CPAP: variants seen among roughly 807,000 people sequenced by gnomAD.
CPAP encodes the protein centrosomal P4.1-associated protein.
the CPAP span, among the ~76,000 whole-genome samples, chr13:24,888,341 C>T: frequency 5.9e-5 from 9 of 151,872 alleles, no homozygotes; most frequent in South Asian, 2.1e-4. Context: ...GATTACTATG[C>T]GGAATATTTT....
the CPAP span, chr13:24,884,403 C>G: frequency 3.7e-6 from 6 of 1,613,946 alleles, no homozygotes; most frequent in Non-Finnish European, 5.1e-6. Flanking sequence ...GCACTCACTT[C>G]CTTTCGAGTT....
At chr13:24,901,294 A>T in the CPAP span, among the ~76,000 whole-genome samples, 23 of 152,252 alleles carry the variant, frequency 1.5e-4, no homozygotes, top group Non-Finnish European at 1.0e-4. Context: ...GTTACAAAAT[A>T]AACACAAATG....
chr13:24,910,106 A>T, the CPAP span: 16 of 1,608,196 alleles, frequency 9.9e-6, no homozygotes, highest in Non-Finnish European at 1.3e-5. Context: ...AAGAAATGCA[A>T]CAAAGCTGAT....
the CPAP span, among the ~76,000 whole-genome samples, chr13:24,900,753 G>T: frequency 6.6e-6 from 1 of 152,192 alleles, no homozygotes; most frequent in Non-Finnish European, 1.5e-5. Flanking sequence ...GCTAGGAAGT[G>T]AATTTAATAA....
At chr13:24,923,286 T>TTTTGG in the CPAP span, among the ~76,000 whole-genome samples, 1 of 152,030 alleles carries the variant, frequency 6.6e-6, no homozygotes, top group Non-Finnish European at 1.5e-5. Flanking sequence ...TTTGTCGTTT[T>TTTTGG]TTTGGTTTGG....
At chr13:24,925,775 C>G in the CPAP span, 1 of 152,584 alleles carries the variant, frequency 6.6e-6, no homozygotes, top group Non-Finnish European at 1.5e-5. Context: ...GTTTTCTGAC[C>G]CTGAGGCAGA....
chr13:24,899,530 T>A, the CPAP span: 2 of 1,614,004 alleles, frequency 1.2e-6, no homozygotes, highest in African/African-American at 2.7e-5. Context: ...TTTTAAACTC[T>A]TCTATTCGAG....
At chr13:24,924,089 T>G in the CPAP span, among the ~76,000 whole-genome samples, 1 of 152,176 alleles carries the variant, frequency 6.6e-6, no homozygotes, top group East Asian at 1.9e-4. Context: ...CGCCTCGGCC[T>G]CCCAAAGTGC....
At chr13:24,912,232 A>G in the CPAP span, among the ~76,000 whole-genome samples, 1 of 152,212 alleles carries the variant, frequency 6.6e-6, no homozygotes, top group Admixed American at 6.5e-5. Context: ...TCTAAAACTC[A>G]TATCCTTACG....
the CPAP span, among the ~76,000 whole-genome samples, chr13:24,926,755 G>C: frequency 3.3e-5 from 5 of 152,082 alleles, no homozygotes; most frequent in Non-Finnish European, 7.4e-5. Flanking sequence ...CTCTTGGCCT[G>C]CCCTGTGATG....
At chr13:24,890,852 C>T in the CPAP span, among the ~76,000 whole-genome samples, 1 of 152,124 alleles carries the variant, frequency 6.6e-6, no homozygotes, top group Non-Finnish European at 1.5e-5. Context: ...GACCCAGCTC[C>T]TCTCACTTCA....
At chr13:24,888,306 T>C in the CPAP span, among the ~76,000 whole-genome samples, 2 of 151,850 alleles carry the variant, frequency 1.3e-5, no homozygotes, top group South Asian at 4.2e-4. Flanking sequence ...GGAGAAAATA[T>C]TAGCAGTGCT....
At chr13:24,891,721 G>A in the CPAP span, among the ~76,000 whole-genome samples, 4 of 151,990 alleles carry the variant, frequency 2.6e-5, no homozygotes, top group South Asian at 2.1e-4. Context: ...TAAGAGGCCC[G>A]GCCACCCTTC....
At chr13:24,906,396 CTT>C in the CPAP span, 1 of 1,612,884 alleles carries the variant, frequency 6.2e-7, no homozygotes, top group Non-Finnish European at 8.5e-7. Flanking sequence ...GATTCAGACT[CTT>C]TCATGGTCTC....
At chr13:24,928,016 C>G in the CPAP span, among the ~76,000 whole-genome samples, 2 of 152,244 alleles carry the variant, frequency 1.3e-5, no homozygotes, top group African/African-American at 2.4e-5. Flanking sequence ...ATCATTCACA[C>G]ACGTGACCCC....
At chr13:24,912,613 T>C in the CPAP span, 1 of 1,613,860 alleles carries the variant, frequency 6.2e-7, no homozygotes, top group Non-Finnish European at 8.5e-7. Context: ...TGGGTCTTTA[T>C]AAGCCCCTTC....
chr13:24,894,445 G>C, the CPAP span, among the ~76,000 whole-genome samples: 1 of 152,182 alleles, frequency 6.6e-6, no homozygotes, highest in African/African-American at 2.4e-5. Context: ...ACTGGCAGAC[G>C]GCCGCGATGA....
the CPAP span, among the ~76,000 whole-genome samples, chr13:24,920,755 G>A: frequency 6.6e-6 from 1 of 150,716 alleles, no homozygotes; most frequent in Non-Finnish European, 1.5e-5. Flanking sequence ...AGAGTAGCTG[G>A]GACTACAAGC....
At chr13:24,929,242 T>G in the CPAP span, among the ~76,000 whole-genome samples, 2 of 152,194 alleles carry the variant, frequency 1.3e-5, no homozygotes, top group East Asian at 3.9e-4. Context: ...TTTTGTTTTT[T>G]GTAGAGATGG....
Sources: allele counts gnomAD v4.1 joint callset (sites outside exome capture counted in the v4.1 genomes callset), GRCh38; gene constraint gnomAD v4.1.1; transcripts MANE v1.5; gene names NCBI Gene and HGNC (gene_info 2026-07-23, HGNC 2026-07-21).